LIMD1: variants seen among roughly 807,000 people sequenced by gnomAD.
The protein encoded by LIMD1 is LIM domain containing 1, also known as LIM domain-containing protein 1.
Under a neutral mutation model 58.4 loss-of-function variants are expected in LIMD1, and 23 were observed. That is an observed-to-expected ratio of 0.39 (90% CI 0.28 to 0.56). LIMD1 has a LOEUF of 0.56. Among genes scored for constraint, LIMD1 ranks in the 20% least tolerant of loss-of-function variants. The probability of loss-of-function intolerance (pLI) is 0.57; values close to 1 mark genes in which losing one functional copy is unlikely to be tolerated. For synonymous variants in LIMD1, 334 were observed against 345.5 expected (o/e 0.97, Z 0.37); for missense variants, 838 against 855.5 (o/e 0.98, Z 0.25).
chr3:45,613,670 T>G (rs988442995), intron 1 of LIMD1, among the ~76,000 whole-genome samples: 12 of 152,022 alleles, frequency 7.9e-5, no homozygotes, highest in African/African-American at 1.9e-4. Flanking sequence ...TTGTTTGTTT[T>G]TTTCTTTTGT....
intron 1 of LIMD1, chr3:45,632,593 A>G (rs1701746417): frequency 1.0e-6 from 1 of 963,692 alleles, no homozygotes; most frequent in Non-Finnish European, 1.2e-6. Flanking sequence ...GCAGGGAACT[A>G]TGTGGAATGT....
intron 1 of LIMD1, among the ~76,000 whole-genome samples, chr3:45,612,384 T>G (rs1201982263): frequency 1.3e-5 from 2 of 152,190 alleles, no homozygotes; most frequent in African/African-American, 4.8e-5. Context: ...GTGCCAGGCC[T>G]TTTGCAGGCT....
At position 45,677,010 on chromosome 3, in the gene LIMD1, G is replaced by A. The variant is rs1559527606; in HGVS notation, c.1982G>A (p.Arg661Lys). 1.2e-6 allele frequency: 2 copies of A among 1,614,156 alleles called. No individual in the cohort carries two copies. The highest frequency in any genetic ancestry group is 1.1e-5 in the South Asian group (1 of 91,090). Residue 661 changes from arginine (R) to lysine (K), a missense_variant, in exon 8 of 8, where the codon AGG (arginine) becomes AAG (lysine). Transcript: ENST00000273317. ...HLFCHSCHVK[R>K]LEKRPSSTAL... Reference sequence around the variant, plus strand: ...TTCTGTCACTCCTGCCACGTGAAGAGGCTGGAGAAGAGACCCTCATCTACA... The same window carrying A: ...TTCTGTCACTCCTGCCACGTGAAGAAGCTGGAGAAGAGACCCTCATCTACA...
chr3:45,602,559 C>CG (rs1701426168), intron 1 of LIMD1, among the ~76,000 whole-genome samples: 1 of 152,024 alleles, frequency 6.6e-6, no homozygotes, highest in East Asian at 1.9e-4. Context: ...AGTGACAGAC[C>CG]CCCCTTAGCC....
At position 45,595,902 on chromosome 3, in the gene LIMD1, C is replaced by T. The variant is rs753793386; in HGVS notation, c.1023C>T (p.Pro341=). 1.2e-6 allele frequency: 2 copies of T among 1,614,100 alleles called. No homozygotes were observed. The highest frequency in any genetic ancestry group is 3.3e-5 in the Admixed American group (2 of 60,006). ...VDPQPWFQDG[P]KSYLSSSAPS... is the part of the protein sequence containing the mutation. ...CCCAACCCTGGTTCCAGGATGGGCCCAAATCTTACCTTTCCAGTTCTGCCC... is the reference window on the plus strand; with the variant it reads ...CCCAACCCTGGTTCCAGGATGGGCCTAAATCTTACCTTTCCAGTTCTGCCC... Residue 341 remains proline (P), a synonymous_variant, in exon 1 of 8, where the codon CCC becomes CCT. Coordinates refer to ENST00000273317, the MANE Select transcript of LIMD1 (RefSeq NM_014240.3).
At chr3:45,629,768 G>A (rs73830449) in intron 1 of LIMD1, among the ~76,000 whole-genome samples, 2,022 of 152,224 alleles carry the variant, frequency 0.013, 58 homozygotes, top group African/African-American at 0.046. Flanking sequence ...GCCATCAGCC[G>A]GCAGAACGAG....
At chr3:45,660,623 C>T (rs1160636917) in intron 2 of LIMD1, among the ~76,000 whole-genome samples, 13 of 152,040 alleles carry the variant, frequency 8.6e-5, no homozygotes, top group Middle Eastern at 3.2e-3. Context: ...GCCATGTTGG[C>T]CAGGCTGGTC....
At chr3:45,621,880 T>C (rs187123557) in intron 1 of LIMD1, among the ~76,000 whole-genome samples, 1 of 152,096 alleles carries the variant, frequency 6.6e-6, no homozygotes, top group Admixed American at 6.5e-5. Flanking sequence ...CTGGCCAAAA[T>C]GCTGAAACCC....
chr3:45,660,511 G>A (rs1697420361), intron 2 of LIMD1, among the ~76,000 whole-genome samples: 1 of 149,216 alleles, frequency 6.7e-6, no homozygotes, highest in South Asian at 2.1e-4. Flanking sequence ...CGCCTCCCAG[G>A]TTCAAGCGAT....
Position 45,640,590 on chromosome 3 carries a change from C to T in LIMD1, c.1510+4339C>T, listed in dbSNP as rs528018129. ...AACTACAGGCATGTACCACCAGGCC[C>T]GGCTAATTTTTGTATTTTTCGTAGA... is the stretch of plus-strand genomic sequence containing the variant. On this transcript the variant is annotated intron_variant, in intron 2 of 7. Transcript: ENST00000273317. Among the ~76,000 whole-genome samples, 4 of 152,122 alleles carry T rather than the reference C, an allele frequency of 2.6e-5. No homozygotes were observed. The South Asian group carries it at 8.3e-4, about 32-fold the overall frequency.
intron 1 of LIMD1, chr3:45,632,650 T>TA: frequency 1.7e-6 from 1 of 601,354 alleles, no homozygotes; most frequent in Non-Finnish European, 2.1e-6. Context: ...AGGCCACAGT[T>TA]AAGACATGGC....
At chr3:45,649,059 C>T (rs1413929163) in intron 2 of LIMD1, among the ~76,000 whole-genome samples, 1 of 152,158 alleles carries the variant, frequency 6.6e-6, no homozygotes, top group East Asian at 1.9e-4. Context: ...TAGAATTTAT[C>T]TACTTTTTTT....
intron 1 of LIMD1, among the ~76,000 whole-genome samples, chr3:45,616,437 C>T (rs1323767858): frequency 1.3e-5 from 2 of 152,170 alleles, no homozygotes; most frequent in Non-Finnish European, 2.9e-5. Flanking sequence ...AAAAACAAAA[C>T]CGGGTCACAT....
intron 1 of LIMD1, among the ~76,000 whole-genome samples, chr3:45,622,168 A>G (rs906426589): frequency 2.6e-4 from 40 of 152,278 alleles, no homozygotes; most frequent in Non-Finnish European, 5.1e-4. Context: ...TTATCCCAGA[A>G]AATAAACTCT....
chr3:45,594,807 A>ACACACACACACACAC lies in LIMD1; in HGVS notation c.-72_-58dup, dbSNP rs1559510643. 2.4e-5 allele frequency: 15 copies of ACACACACACACACAC among 623,048 alleles called. No individual in the cohort carries two copies. Among genetic ancestry groups the ACACACACACACACAC allele is most frequent in the Middle Eastern group, 4.3e-4 (1 of 2,340 alleles). 38.6% of individuals were successfully genotyped at this position (623,048 alleles called of 1,614,324 possible). A position where few individuals can be genotyped will look rare whatever the true frequency, so the allele number is the denominator to read the frequency against. On this transcript the variant is annotated 5_prime_UTR_variant, in exon 1 of 8. Coordinates refer to ENST00000273317, the MANE Select transcript of LIMD1 (RefSeq NM_014240.3). The stretch of plus-strand genomic sequence containing the variant: ...CACACACACACACACACACACACAC[A>ACACACACACACACAC]CACACACACACACACACACACACAC...
intron 1 of LIMD1, among the ~76,000 whole-genome samples, chr3:45,606,019 T>G (rs1306161468): frequency 6.6e-6 from 1 of 152,032 alleles, no homozygotes; most frequent in Admixed American, 6.5e-5. Flanking sequence ...GCCGTGAAGG[T>G]GGAATAAGGG....
At chr3:45,673,671 T>C (rs1697624411) in intron 6 of LIMD1, 166 bp downstream of exon 6, 1 of 605,212 alleles carries the variant, frequency 1.7e-6, no homozygotes, top group Non-Finnish European at 3.0e-6. Context: ...CCACCCCTTT[T>C]AGGAGGCCCA....
At chr3:45,670,689 A>G (rs77846545) in intron 4 of LIMD1, among the ~76,000 whole-genome samples, 90 of 152,338 alleles carry the variant, frequency 5.9e-4, no homozygotes, top group African/African-American at 2.0e-3. Flanking sequence ...TCTGTTAATT[A>G]AAGAAAGTCA....
In LIMD1 at chr3:45,668,359, G is replaced by A. The variant is rs185483091; in HGVS notation, c.1641+3G>A. The A allele has an allele frequency of 2.4e-5, 39 of 1,611,402 alleles. No individual in the cohort carries two copies. Among genetic ancestry groups the A allele is most frequent in the East Asian group, 2.2e-5 (1 of 44,832 alleles). On this transcript the variant is annotated splice_donor_region_variant and intron_variant, in intron 4 of 7. Coordinates refer to ENST00000273317, the MANE Select transcript of LIMD1 (RefSeq NM_014240.3). ...GTGGACATCTGATCATGGACATGGT[G>A]AGTAGGTCAGCCAAAGAAGAGAACA...
Sources: allele counts gnomAD v4.1 joint callset (sites outside exome capture counted in the v4.1 genomes callset), GRCh38; gene constraint gnomAD v4.1.1; transcripts MANE v1.5; gene names NCBI Gene and HGNC (gene_info 2026-07-23, HGNC 2026-07-21).